TBC1D2B: variants seen among roughly 807,000 people sequenced by gnomAD.
TBC1D2B encodes the protein TBC1 domain family, member 2B.
A neutral mutation model predicts 100.8 loss-of-function variants in TBC1D2B; 64 were observed. The observed-to-expected ratio is 0.64, with a 90% CI of 0.52 to 0.78. The LOEUF is 0.78. TBC1D2B is among the 30% of genes least tolerant of loss of function. The pLI is 0.00. For synonymous variants in TBC1D2B, 480 were observed against 479.7 expected (o/e 1.00, Z -0.01); for missense variants, 1,052 against 1,218.4 (o/e 0.86, Z 2.03).
chr15:78,010,252 T>G (rs2141648149), intron 9 of TBC1D2B, among the ~76,000 whole-genome samples: 1 of 152,244 alleles, frequency 6.6e-6, no homozygotes, highest in Admixed American at 6.5e-5. Flanking sequence ...GCTTTGTTGT[T>G]CATAACGGAA....
rs766944234 is a variant in TBC1D2B at position 78,024,273 on chromosome 15, G to A, written c.1353C>T (p.Asp451=). The change falls in exon 6 of 13, where the codon GAC becomes GAT. Residue 451 remains aspartate, a synonymous_variant. Transcript: ENST00000300584. Reference sequence around the variant, plus strand: ...CCTCGCTGAGCTTGATGATGACCTCGTCCTTGGCTTGGATGGTCTCCATGA... The same window carrying A: ...CCTCGCTGAGCTTGATGATGACCTCATCCTTGGCTTGGATGGTCTCCATGA... The part of the protein sequence containing the change: ...GMLMETIQAK[D]EVIIKLSEGE... 1.7e-5 allele frequency: 27 copies of A among 1,614,022 alleles called. No homozygotes were observed. Among genetic ancestry groups the A allele is most frequent in the East Asian group, 1.1e-4 (5 of 44,886 alleles).
At chr15:78,069,777 G>A (rs2073716373) in intron 1 of TBC1D2B, among the ~76,000 whole-genome samples, 1 of 152,144 alleles carries the variant, frequency 6.6e-6, no homozygotes, top group South Asian at 2.1e-4. Flanking sequence ...CATAGATGGA[G>A]GCCCCAGAAG....
At chr15:78,004,577 G>A (rs889932510) in intron 10 of TBC1D2B, among the ~76,000 whole-genome samples, 3 of 152,164 alleles carry the variant, frequency 2.0e-5, no homozygotes, top group African/African-American at 7.2e-5. Flanking sequence ...CACGTGAACC[G>A]GTATGCACGT....
chr15:78,033,814 C>T (rs146340615), intron 3 of TBC1D2B, among the ~76,000 whole-genome samples: 1 of 152,306 alleles, frequency 6.6e-6, no homozygotes, highest in African/African-American at 2.4e-5. Context: ...TCATGTAAAA[C>T]AGTCATTTCT....
intron 3 of TBC1D2B, among the ~76,000 whole-genome samples, chr15:78,039,895 T>C (rs1186987025): frequency 6.6e-6 from 1 of 152,130 alleles, no homozygotes; most frequent in East Asian, 1.9e-4. Flanking sequence ...CTGACTACAA[T>C]ATCCACAATG....
intron 1 of TBC1D2B, among the ~76,000 whole-genome samples, chr15:78,060,343 T>G (rs1567033446): frequency 6.6e-6 from 1 of 152,050 alleles, no homozygotes; most frequent in East Asian, 1.9e-4. Flanking sequence ...GGTATCCAAT[T>G]AAGAAATCCA....
chr15:78,033,907 C>T (rs917308670), intron 3 of TBC1D2B, among the ~76,000 whole-genome samples: 2 of 152,182 alleles, frequency 1.3e-5, no homozygotes, highest in Non-Finnish European at 2.9e-5. Flanking sequence ...TTATATAACA[C>T]GCTTATGTTC....
chr15:78,013,791 T>C (rs748820344), intron 8 of TBC1D2B, among the ~76,000 whole-genome samples: 12 of 152,218 alleles, frequency 7.9e-5, no homozygotes, highest in Non-Finnish European at 1.6e-4. Flanking sequence ...GTCCCAGTTA[T>C]TGGAACCTGT....
intron 1 of TBC1D2B, among the ~76,000 whole-genome samples, chr15:78,070,862 G>A (rs2141846053): frequency 6.6e-6 from 1 of 152,076 alleles, no homozygotes. Context: ...CGCTCTTGTC[G>A]CCCAGGCTGG....
intron 1 of TBC1D2B, chr15:78,066,119 G>C: frequency 2.1e-6 from 1 of 469,446 alleles, no homozygotes; most frequent in Non-Finnish European, 4.4e-6. Flanking sequence ...GCCTCCCTCT[G>C]AATGCTCAGG....
chr15:78,003,480 C>T lies in TBC1D2B; in HGVS notation c.2399G>A (p.Arg800Gln), dbSNP rs774708477. Reference protein sequence around the residue: ...KTLLGSQVDQRVFRDLMSEKL... With the variant: ...KTLLGSQVDQQVFRDLMSEKL... ...CTCACTCATAAGGTCTCTGAACACC[C>T]GCTGGTCCACCTGGAGAGGGAACAA... is the stretch of plus-strand genomic sequence containing the variant. Residue 800 changes from arginine to glutamine, a missense_variant, in exon 11 of 13, where the codon CGG becomes CAG. Transcript: ENST00000300584. 26 of 1,607,328 alleles carry T rather than the reference C, an allele frequency of 1.6e-5. No homozygotes were observed. Among genetic ancestry groups the T allele is most frequent in the African/African-American group, 5.3e-5 (4 of 74,836 alleles).
intron 3 of TBC1D2B, among the ~76,000 whole-genome samples, chr15:78,042,166 T>C (rs1017977479): frequency 5.3e-5 from 8 of 152,174 alleles, no homozygotes; most frequent in African/African-American, 1.9e-4. Flanking sequence ...GGCGTTCACT[T>C]TCCTAGGCAG....
intron 3 of TBC1D2B, among the ~76,000 whole-genome samples, chr15:78,032,713 T>C (rs543286725): frequency 3.3e-5 from 5 of 151,288 alleles, no homozygotes; most frequent in Admixed American, 6.6e-5. Context: ...AAAACTACAA[T>C]GCCTACGATG....
chr15:78,023,070 A>G (rs2072555553), intron 6 of TBC1D2B, among the ~76,000 whole-genome samples: 1 of 152,186 alleles, frequency 6.6e-6, no homozygotes, highest in Admixed American at 6.5e-5. Flanking sequence ...CAGGGTCCCT[A>G]GCATGCCTAT....
chr15:78,010,364 G>C (rs1434207905), intron 9 of TBC1D2B, among the ~76,000 whole-genome samples: 1 of 152,166 alleles, frequency 6.6e-6, no homozygotes, highest in Non-Finnish European at 1.5e-5. Flanking sequence ...GTGAGAGAAA[G>C]GCCTCCCTCT....
intron 1 of TBC1D2B, among the ~76,000 whole-genome samples, chr15:78,076,563 A>T: frequency 6.6e-6 from 1 of 150,674 alleles, no homozygotes; most frequent in East Asian, 2.0e-4. Flanking sequence ...TGGGCAACAT[A>T]GTGAGACCCC....
At chr15:78,062,934 C>T (rs770512514) in intron 1 of TBC1D2B, among the ~76,000 whole-genome samples, 1 of 152,160 alleles carries the variant, frequency 6.6e-6, no homozygotes, top group Non-Finnish European at 1.5e-5. Context: ...TACTGGCTGG[C>T]TATGTTAGGT....
chr15:78,061,612 T>C lies in TBC1D2B; in HGVS notation c.361-7425A>G, dbSNP rs138777395. Among the ~76,000 whole-genome samples the C allele has an allele frequency of 1.7e-4, 25 of 148,646 alleles. No homozygotes were observed. The East Asian group carries it at 4.3e-3, about 25-fold the overall frequency. ...TAATTTATATATATATTATATATAA[T>C]AGCATTAGGACAACTGGTCAAATAC... On this transcript the variant is annotated intron_variant, in intron 1 of 12. Coordinates refer to ENST00000300584, the MANE Select transcript of TBC1D2B (RefSeq NM_144572.2).
At chr15:78,034,395 GCAA>G (rs2141731339) in intron 3 of TBC1D2B, 1 of 715,604 alleles carries the variant, frequency 1.4e-6, no homozygotes, top group South Asian at 6.3e-5. Context: ...CCTGCCTACA[GCAA>G]GGATCTCACA....
Sources: gnomAD v4.1 joint callset for allele counts (sites outside exome capture counted in the v4.1 genomes callset) on GRCh38, gnomAD v4.1.1 for gene constraint, MANE v1.5 for transcripts, NCBI Gene and HGNC (gene_info 2026-07-23, HGNC 2026-07-21) for gene names.